The following RSPH14 variants were observed in gnomAD, a reference collection of about 807,000 sequenced individuals.
RSPH14 encodes rhabdoid tumor deletion region gene 1.
In RSPH14, 20 loss-of-function variants were observed where a neutral mutation model predicts 26.7. That is an observed-to-expected ratio of 0.75 (90% CI 0.53 to 1.09). RSPH14 has a LOEUF of 1.09. Among genes scored for constraint, RSPH14 ranks in the 50% least tolerant of loss-of-function variants. The probability of loss-of-function intolerance (pLI) is 0.00; values close to 1 mark genes in which losing one functional copy is unlikely to be tolerated. For missense variants in RSPH14, 449 were observed against 457.2 expected (o/e 0.98, Z 0.16); for synonymous variants, 177 against 189.3 (o/e 0.93, Z 0.53).
chr22:23,127,750 C>T (rs771216948), intron 4 of RSPH14, among the ~76,000 whole-genome samples: 1 of 152,188 alleles, frequency 6.6e-6, no homozygotes, highest in African/African-American at 2.4e-5. Flanking sequence ...TTCTCCCTAG[C>T]TTAGATGCTA....
intron 4 of RSPH14, among the ~76,000 whole-genome samples, chr22:23,065,684 G>T (rs1377637716): frequency 6.6e-6 from 1 of 152,048 alleles, no homozygotes; most frequent in Non-Finnish European, 1.5e-5. Context: ...GGTTGTGGAT[G>T]AAAACGTGTT....
chr22:23,076,163 A>G (rs1368244676), intron 4 of RSPH14, among the ~76,000 whole-genome samples: 1 of 152,176 alleles, frequency 6.6e-6, no homozygotes, highest in African/African-American at 2.4e-5. Context: ...TATGTAGAAC[A>G]GCGCCATGTT....
the RSPH14 span, among the ~76,000 whole-genome samples, chr22:23,156,857 C>T: frequency 2.0e-5 from 3 of 152,168 alleles, no homozygotes; most frequent in Non-Finnish European, 4.4e-5. Flanking sequence ...ATAAGAGGTG[C>T]GAGGCGCCTG....
the RSPH14 span, among the ~76,000 whole-genome samples, chr22:23,167,395 G>A: frequency 6.6e-6 from 1 of 152,142 alleles, no homozygotes; most frequent in Non-Finnish European, 1.5e-5. Flanking sequence ...GCTCCACAGG[G>A]ACCGGAGCAA....
chr22:23,162,987 G>C, the RSPH14 span: 2 of 313,182 alleles, frequency 6.4e-6, no homozygotes, highest in East Asian at 1.8e-4. Flanking sequence ...TCTCGGCTCA[G>C]TGCAACCTCT....
In RSPH14 at chr22:23,085,050, C is replaced by T. The variant is rs1339549021; in HGVS notation, c.422-20917G>A. On this transcript the variant is annotated intron_variant, in intron 4 of 6. Coordinates refer to ENST00000216036, the MANE Select transcript of RSPH14 (RefSeq NM_014433.3). Reference sequence around the variant, plus strand: ...TAGGTGGGGAGCCTCATCTGGAGCCCCTGAGTTTTCTGGAGGCAGCTCTCA... The same window carrying T: ...TAGGTGGGGAGCCTCATCTGGAGCCTCTGAGTTTTCTGGAGGCAGCTCTCA... Among the ~76,000 whole-genome samples the T allele has an allele frequency of 2.0e-5, 3 of 152,120 alleles. No individual in the cohort carries two copies. The East Asian group carries it at 5.8e-4, about 29-fold the overall frequency.
chr22:23,169,666 G>A, the RSPH14 span, among the ~76,000 whole-genome samples: 4 of 152,148 alleles, frequency 2.6e-5, no homozygotes, highest in South Asian at 2.1e-4. Flanking sequence ...TGGCTGGGGA[G>A]GTGGAAAGAA....
intron 4 of RSPH14, among the ~76,000 whole-genome samples, chr22:23,132,123 C>A (rs1255561709): frequency 6.6e-6 from 1 of 152,188 alleles, no homozygotes; most frequent in Admixed American, 6.5e-5. Flanking sequence ...GCCAGTGTTT[C>A]CACTTCAACC....
rs558414159 is a variant in RSPH14 at position 23,106,479 on chromosome 22, C to T, written c.421+27547G>A. On this transcript the variant is annotated intron_variant, in intron 4 of 6. Transcript: ENST00000216036. The stretch of plus-strand genomic sequence containing the variant: ...CCTGGCACTGTGGGTGGGGCCCTGG[C>T]CTGGCTGTGGCCCAGGGTAGTCATG... Among the ~76,000 whole-genome samples, 10 of 152,334 alleles carry T rather than the reference C, an allele frequency of 6.6e-5. No homozygotes were observed. The South Asian group carries it at 2.1e-3, about 32-fold the overall frequency.
chr22:23,124,545 G>T (rs75987287), intron 4 of RSPH14: 1 of 272,728 alleles, frequency 3.7e-6, no homozygotes, highest in Non-Finnish European at 8.3e-6. Flanking sequence ...TTTAAAGAAG[G>T]TTCTTTCACC....
intron 4 of RSPH14, among the ~76,000 whole-genome samples, chr22:23,114,397 A>G (rs900816948): frequency 6.6e-6 from 1 of 151,882 alleles, no homozygotes; most frequent in Non-Finnish European, 1.5e-5. Flanking sequence ...CCCCGGCCCC[A>G]CCCTTCCCAG....
At chr22:23,152,472 C>G in the RSPH14 span, 1 of 1,614,174 alleles carries the variant, frequency 6.2e-7, no homozygotes, top group Non-Finnish European at 8.5e-7. Flanking sequence ...CTCAAACTCT[C>G]CAAGGTGGTG....
At chr22:23,145,518 C>T (rs1382341042), upstream of RSPH14, 38 of 1,604,202 alleles carry the variant, frequency 2.4e-5, no homozygotes, top group Non-Finnish European at 3.1e-5. Flanking sequence ...GCGGACCAGG[C>T]CGCGCGGAGC....
At chr22:23,142,769 C>A (rs540076461), upstream of RSPH14, among the ~76,000 whole-genome samples, 7 of 152,300 alleles carry the variant, frequency 4.6e-5, no homozygotes, top group East Asian at 1.4e-3. Flanking sequence ...TGCTGGCCAG[C>A]GTAGCTGTTC....
intron 4 of RSPH14, among the ~76,000 whole-genome samples, chr22:23,091,047 C>T (rs1309114619): frequency 6.6e-6 from 1 of 152,204 alleles, no homozygotes; most frequent in Non-Finnish European, 1.5e-5. Flanking sequence ...CATCTCTGCT[C>T]CCAGGATGCC....
At chr22:23,136,178 T>C in intron 3 of RSPH14, 1 of 685,884 alleles carries the variant, frequency 1.5e-6, no homozygotes, top group Admixed American at 2.1e-5. Context: ...CCTGTGTGCC[T>C]CCTCACCAGA....
chr22:23,159,718 C>T, the RSPH14 span, among the ~76,000 whole-genome samples: 253 of 152,360 alleles, frequency 1.7e-3, 2 homozygotes, highest in African/African-American at 4.5e-3. Context: ...GTGACATCAC[C>T]TGGCATAGAG....
At chr22:23,176,244 T>TGGGGAAAAGCTGGGTGTGG in the RSPH14 span, among the ~76,000 whole-genome samples, 1 of 152,198 alleles carries the variant, frequency 6.6e-6, no homozygotes, top group South Asian at 2.1e-4. Context: ...CTCCCTCTGT[T>TGGGGAAAAGCTGGGTGTGG]GGGGAAAAGC....
chr22:23,172,013 T>C, the RSPH14 span, among the ~76,000 whole-genome samples: 1 of 152,182 alleles, frequency 6.6e-6, no homozygotes, highest in African/African-American at 2.4e-5. Flanking sequence ...GCACCCTTCC[T>C]TAATGCATTT....
Sources: allele counts gnomAD v4.1 joint callset (sites outside exome capture counted in the v4.1 genomes callset), GRCh38; gene constraint gnomAD v4.1.1; transcripts MANE v1.5; gene names NCBI Gene and HGNC (gene_info 2026-07-23, HGNC 2026-07-21).